Variants in PARG observed in about 807,000 individuals in gnomAD.
PARG encodes the protein poly(ADP-ribose) glycohydrolase, also known as mitochondrial poly(ADP-ribose) glycohydrolase.
Under a neutral mutation model 113.0 loss-of-function variants are expected in PARG, and 35 were observed. That is an observed-to-expected ratio of 0.31 (90% CI 0.24 to 0.41). The LOEUF is 0.41. PARG is among the 10% of genes least tolerant of loss of function. The pLI, the probability that PARG is intolerant of heterozygous loss-of-function variation, is 1.00. For synonymous variants in PARG, 330 were observed against 409.9 expected (o/e 0.81, Z 2.36); for missense variants, 797 against 1,169.4 (o/e 0.68, Z 4.64).
Position 49,861,216 on chromosome 10 carries a change from G to A in PARG, c.2205+372C>T, listed in dbSNP as rs1258607450. Among the ~76,000 whole-genome samples, 4 of 150,932 alleles carry A rather than the reference G, an allele frequency of 2.7e-5. No homozygotes were observed. In the South Asian group the frequency reaches 6.3e-4, roughly 24 times the overall value. ...GTCATCAACTGGGGCAGAGCAAGAA[G>A]AGCCTTTAAGGAAAAAGAATAAAAA... On this transcript the variant is annotated intron_variant, in intron 12 of 17. Coordinates refer to ENST00000616448, the MANE Select transcript of PARG (RefSeq NM_003631.5).
chr10:49,844,303 T>A (rs768189822), intron 13 of PARG, among the ~76,000 whole-genome samples: 5 of 151,312 alleles, frequency 3.3e-5, no homozygotes, highest in Non-Finnish European at 7.4e-5. Context: ...AACCATAAAA[T>A]ACCTAGGAGT....
Position 49,933,195 on chromosome 10 carries a change from G to T in PARG, c.1253C>A (p.Pro418His). The change falls in exon 3 of 18, where the codon CCC becomes CAC. Residue 418 changes from proline (P) to histidine (H), a missense_variant. Pro to His is a moderately conservative substitution (Grantham distance 77). Around this residue, in one of 5 missense-constraint regions of PARG, gnomAD observed 252 missense variants for 437.4 expected, o/e 0.58. Transcript: ENST00000616448. ...SKITDHFMRLPKAEDRRKEQW... is the reference protein window; with the variant it reads ...SKITDHFMRLHKAEDRRKEQW... ...AAATTACCTTCTGTCCTCTGCTTTG[G>T]GCAGTCTCATGAAATGATCTGTGAT... is the stretch of plus-strand genomic sequence containing the variant. 1 of 1,579,766 alleles carries T rather than the reference G, an allele frequency of 6.3e-7. No homozygotes were observed. Among genetic ancestry groups the T allele is most frequent in the East Asian group, 2.3e-5 (1 of 44,190 alleles).
At chr10:49,841,552 G>T (rs1214717868) in intron 15 of PARG, among the ~76,000 whole-genome samples, 1 of 152,118 alleles carries the variant, frequency 6.6e-6, no homozygotes, top group South Asian at 2.1e-4. Flanking sequence ...AACAACATTT[G>T]ATTTGGCTTT....
chr10:49,878,895 C>T (rs1358907179), intron 9 of PARG, among the ~76,000 whole-genome samples: 1 of 151,610 alleles, frequency 6.6e-6, no homozygotes, highest in African/African-American at 2.4e-5. Flanking sequence ...TTCATGGGTC[C>T]TATAAAGATA....
At chr10:49,879,283 T>A (rs1847103633) in intron 9 of PARG, among the ~76,000 whole-genome samples, 1 of 151,834 alleles carries the variant, frequency 6.6e-6, no homozygotes, top group Admixed American at 6.6e-5. Flanking sequence ...GGACTTTTCC[T>A]CTACCTTTCA....
intron 7 of PARG, among the ~76,000 whole-genome samples, chr10:49,891,516 C>T (rs185131160): frequency 1.9e-3 from 263 of 136,318 alleles, no homozygotes; most frequent in African/African-American, 7.0e-3. Flanking sequence ...AAATTTTAGA[C>T]AATTTTTCAA....
At chr10:49,819,998 C>CA (rs1264857039) in intron 17 of PARG, among the ~76,000 whole-genome samples, 167 bp downstream of exon 17, 5 of 152,184 alleles carry the variant, frequency 3.3e-5, no homozygotes, top group Non-Finnish European at 7.3e-5. Flanking sequence ...TCTGCCAGAA[C>CA]AAAAAGACTC....
chr10:49,941,266 G>A (rs1213122825), intron 1 of PARG, among the ~76,000 whole-genome samples: 11 of 152,146 alleles, frequency 7.2e-5, no homozygotes, highest in African/African-American at 2.7e-4. Flanking sequence ...CAAACAGGTG[G>A]TGGAGTCTCC....
chr10:49,870,315 C>A (rs1420467410), intron 9 of PARG, among the ~76,000 whole-genome samples: 56 of 151,364 alleles, frequency 3.7e-4, no homozygotes, highest in East Asian at 1.9e-4. Flanking sequence ...GGAAGAAAGC[C>A]CTCATCAGGA....
intron 7 of PARG, among the ~76,000 whole-genome samples, chr10:49,902,170 T>C (rs184628294): frequency 1.6e-4 from 25 of 152,330 alleles, no homozygotes; most frequent in African/African-American, 5.8e-4. Context: ...CAGACATATG[T>C]AGATACAACT....
intron 16 of PARG, 82 bp from the exon 17 acceptor site, chr10:49,820,375 C>A: frequency 1.1e-6 from 1 of 893,046 alleles, no homozygotes; most frequent in Non-Finnish European, 1.7e-6. Flanking sequence ...TGGTGTGCCA[C>A]AGCTTCATCC....
chr10:49,856,816 C>T (rs1554835126), intron 13 of PARG, among the ~76,000 whole-genome samples: 1 of 151,844 alleles, frequency 6.6e-6, no homozygotes, highest in Non-Finnish European at 1.5e-5. Flanking sequence ...TCGAGACCAG[C>T]CTGACCAATA....
intron 8 of PARG, among the ~76,000 whole-genome samples, chr10:49,881,947 T>C (rs1847238239): frequency 6.6e-6 from 1 of 152,184 alleles, no homozygotes; most frequent in African/African-American, 2.4e-5. Context: ...AAGGTGACAG[T>C]GCATCAATGG....
In PARG at chr10:49,839,605, T is replaced by C. The variant is rs147983996; in HGVS notation, c.2541+2345A>G. Among the ~76,000 whole-genome samples, 6 of 152,326 alleles carry C rather than the reference T, an allele frequency of 3.9e-5. No individual in the cohort carries two copies. In the East Asian group the frequency reaches 1.2e-3, roughly 29 times the overall value. ...TTTAAATTTCTGGTGTCTTTGAGGA[T>C]GGGCAAACTGAAGGTTGGTGATACA... On this transcript the variant is annotated intron_variant, in intron 15 of 17. Coordinates refer to ENST00000616448, the MANE Select transcript of PARG (RefSeq NM_003631.5).
intron 7 of PARG, among the ~76,000 whole-genome samples, chr10:49,910,716 C>T (rs1380587144): frequency 6.6e-6 from 1 of 152,094 alleles, no homozygotes; most frequent in African/African-American, 2.4e-5. Context: ...AAGAAGTTTG[C>T]TATATAAATC....
At chr10:49,888,197 A>G (rs1554840787) in intron 7 of PARG, among the ~76,000 whole-genome samples, 1 of 152,030 alleles carries the variant, frequency 6.6e-6, no homozygotes, top group Non-Finnish European at 1.5e-5. Context: ...TTTCCTCTAC[A>G]TACATTGATA....
chr10:49,916,042 A>T (rs1837455115), intron 6 of PARG, 51 bp from the exon 7 acceptor site: 1 of 920,658 alleles, frequency 1.1e-6, no homozygotes, highest in Non-Finnish European at 1.8e-6. Context: ...CAAGTGAATG[A>T]CCTATGAAGA....
chr10:49,892,909 C>G (rs1404885855), intron 7 of PARG, among the ~76,000 whole-genome samples: 1 of 152,166 alleles, frequency 6.6e-6, no homozygotes, highest in Admixed American at 6.5e-5. Flanking sequence ...TGGTGAAACC[C>G]TATCTCTACT....
At chr10:49,901,275 T>A (rs1848336118) in intron 7 of PARG, among the ~76,000 whole-genome samples, 1 of 151,764 alleles carries the variant, frequency 6.6e-6, no homozygotes, top group African/African-American at 2.4e-5. Context: ...CACACCCAGC[T>A]AATTTTTAAA....
Sources: gnomAD v4.1 joint callset for allele counts (sites outside exome capture counted in the v4.1 genomes callset) on GRCh38, gnomAD v4.1.1 for gene constraint, gnomAD v4.1.1 regional missense constraint, MANE v1.5 for transcripts, NCBI Gene and HGNC (gene_info 2026-07-23, HGNC 2026-07-21) for gene names.